Variants in DDX42 observed in about 807,000 individuals in gnomAD.
DDX42 encodes ATP-dependent RNA helicase DDX42.
In DDX42, 22 loss-of-function variants were observed where a neutral mutation model predicts 101.5. The observed-to-expected ratio is 0.22, with a 90% CI of 0.15 to 0.31. The LOEUF (loss-of-function observed/expected upper bound fraction) is 0.31, where lower values mean the gene tolerates loss of function less well. Among genes scored for constraint, DDX42 ranks in the 10% least tolerant of loss-of-function variants. DDX42 has a pLI of 1.00. For synonymous variants in DDX42, 402 were observed against 401.2 expected (o/e 1.00, Z -0.02); for missense variants, 849 against 1,199.9 (o/e 0.71, Z 4.32).
At chr17:63,812,293 C>G in intron 14 of DDX42, 85 bp downstream of exon 14, 1 of 1,490,592 alleles carries the variant, frequency 6.7e-7, no homozygotes, top group Non-Finnish European at 9.0e-7. Flanking sequence ...AATATCTGAG[C>G]AGGCTGATGG....
In DDX42 at chr17:63,813,356, C is replaced by G; in HGVS notation, c.1804C>G (p.Leu602Val). ...TGAGAAAGGTGTGGCCTATACCCTA[C>G]TCACTCCCAAGGACAGCAATTTTGC... ...AGEKGVAYTL[L>V]TPKDSNFAGD... Residue 602 changes from leucine (L) to valine (V), a missense_variant, in exon 15 of 18, where the codon CTC becomes GTC. Physicochemically the swap from Leu to Val is conservative, Grantham distance 32. Transcript: ENST00000389924. 6.2e-7 allele frequency: 1 copy of G among 1,614,146 alleles called. No homozygotes were observed.
Position 63,792,308 on chromosome 17 carries a change from A to T in DDX42, c.222-104A>T, listed in dbSNP as rs1036423738. On this transcript the variant is annotated intron_variant, in intron 2 of 17. Coordinates refer to ENST00000389924, the MANE Select transcript of DDX42 (RefSeq NM_203499.3). ...AGGTCTCTAATTTGATCTGCATTAC[A>T]TCTCCTAATAATAAGATATACCATA... 4 of 1,277,480 alleles carry T rather than the reference A, an allele frequency of 3.1e-6. No individual in the cohort carries two copies. In the Admixed American group the frequency reaches 9.1e-5, roughly 29 times the overall value. 79.1% of individuals were successfully genotyped at this position (1,277,480 alleles called of 1,614,324 possible).
intron 3 of DDX42, among the ~76,000 whole-genome samples, chr17:63,797,179 C>T (rs1198397744): frequency 1.3e-5 from 2 of 151,902 alleles, no homozygotes; most frequent in Non-Finnish European, 2.9e-5. Flanking sequence ...TGGAGAAACC[C>T]CGTCTCTACT....
intron 1 of DDX42, 36 bp from the exon 2 acceptor site, chr17:63,786,998 A>C (rs1286226605): frequency 2.5e-6 from 4 of 1,606,310 alleles, no homozygotes; most frequent in Non-Finnish European, 3.4e-6. Context: ...CACTTTTTTA[A>C]GTTTAATTTA....
At chr17:63,798,154 C>A in intron 4 of DDX42, 55 bp downstream of exon 4, 2 of 1,536,804 alleles carry the variant, frequency 1.3e-6, no homozygotes, top group Non-Finnish European at 9.0e-7. Flanking sequence ...TGAAGTATTG[C>A]AAAGTCTATT....
Position 63,778,694 on chromosome 17 carries a change from G to T in DDX42, c.-17+4318G>T, listed in dbSNP as rs138377609. Reference sequence around the variant, plus strand: ...CTCGCTCTGTTATCCAGGCTGGAGTGCAGTGGCACGATCTCGGCTCACTGC... The same window carrying T: ...CTCGCTCTGTTATCCAGGCTGGAGTTCAGTGGCACGATCTCGGCTCACTGC... On this transcript the variant is annotated intron_variant, in intron 1 of 17. Transcript: ENST00000389924. 2.0e-3 allele frequency among the ~76,000 whole-genome samples: 306 copies of T among 151,896 alleles called. 3 individuals carry two copies. Among genetic ancestry groups the T allele is most frequent in the African/African-American group, 6.9e-3 (285 of 41,388 alleles).
At chr17:63,808,689 C>A in intron 9 of DDX42, 131 bp from the exon 10 acceptor site, 4 of 893,502 alleles carry the variant, frequency 4.5e-6, no homozygotes, top group Non-Finnish European at 6.9e-6. Flanking sequence ...TGAATAAAAT[C>A]GTGGTTTTAA....
Position 63,803,426 on chromosome 17 carries a change from G to A in DDX42, c.622-1645G>A, listed in dbSNP as rs944021826. On this transcript the variant is annotated intron_variant, in intron 6 of 17. Coordinates refer to ENST00000389924, the MANE Select transcript of DDX42 (RefSeq NM_203499.3). ...CAACATGGTGAAACCCCCGTCTTTG[G>A]GATTGGTGGCAGGCATCAGTAATCC... is the stretch of plus-strand genomic sequence containing the variant. 2.8e-4 allele frequency among the ~76,000 whole-genome samples: 43 copies of A among 151,582 alleles called. 1 individual carries two copies. The highest frequency in any genetic ancestry group is 7.4e-5 in the Non-Finnish European group (5 of 67,874).
intron 1 of DDX42, among the ~76,000 whole-genome samples, chr17:63,783,450 A>G (rs538251624): frequency 6.6e-6 from 1 of 152,244 alleles, no homozygotes; most frequent in African/African-American, 2.4e-5. Context: ...AATTGAGCCC[A>G]TCCTTTTTGT....
At chr17:63,807,937 G>C (rs1409944291) in intron 9 of DDX42, 37 bp downstream of exon 9, 1 of 1,579,988 alleles carries the variant, frequency 6.3e-7, no homozygotes, top group Non-Finnish European at 8.6e-7. Context: ...TTCCATATGT[G>C]GACTAGCAAG....
chr17:63,809,379 T>C (rs1244895085), intron 10 of DDX42, among the ~76,000 whole-genome samples, 181 bp from the exon 11 acceptor site: 2 of 152,206 alleles, frequency 1.3e-5, no homozygotes, highest in African/African-American at 2.4e-5. Context: ...AAGATGCCGA[T>C]TGAGTTTTCA....
intron 15 of DDX42, among the ~76,000 whole-genome samples, chr17:63,814,135 C>T (rs898255874): frequency 1.4e-4 from 22 of 152,204 alleles, no homozygotes; most frequent in African/African-American, 4.3e-4. Context: ...CGTGAGCCAC[C>T]GTGCCCAGCC....
At chr17:63,779,851 T>C (rs1420198386) in intron 1 of DDX42, among the ~76,000 whole-genome samples, 1 of 152,156 alleles carries the variant, frequency 6.6e-6, no homozygotes, top group African/African-American at 2.4e-5. Flanking sequence ...GTACTGGGAA[T>C]ATAGGCGTAA....
At chr17:63,805,902 C>T (rs1288405080) in intron 7 of DDX42, 1 of 152,224 alleles carries the variant, frequency 6.6e-6, no homozygotes, top group Admixed American at 6.5e-5. Context: ...CCCTGAAATC[C>T]TGATTGGAAA....
intron 6 of DDX42, 113 bp from the exon 7 acceptor site, chr17:63,804,958 A>G: frequency 7.5e-7 from 1 of 1,341,976 alleles, no homozygotes; most frequent in African/African-American, 1.5e-5. Context: ...TGCTTTCTCT[A>G]GCTGGAATGG....
chr17:63,777,344 C>A (rs547458683), intron 1 of DDX42, among the ~76,000 whole-genome samples: 23 of 152,116 alleles, frequency 1.5e-4, no homozygotes, highest in Non-Finnish European at 7.3e-5. Flanking sequence ...TGAAAACATG[C>A]TATAAGAGAA....
intron 1 of DDX42, among the ~76,000 whole-genome samples, chr17:63,775,366 C>T (rs1418844607): frequency 1.3e-5 from 2 of 152,136 alleles, no homozygotes; most frequent in Admixed American, 1.3e-4. Flanking sequence ...TGTTAGACCC[C>T]TGCCTTTGGG....
At chr17:63,811,750 G>T in intron 13 of DDX42, 182 bp from the exon 14 acceptor site, 1 of 725,260 alleles carries the variant, frequency 1.4e-6, no homozygotes, top group South Asian at 1.7e-5. Context: ...ACACCAGGTG[G>T]AGAGCAAGGT....
In DDX42 at chr17:63,816,848, A is replaced by AAT. The variant is rs2039982428; in HGVS notation, c.2014-20_2014-19insAT. 1.3e-6 allele frequency: 2 copies of AAT among 1,598,296 alleles called. No individual in the cohort carries two copies. Among genetic ancestry groups the AAT allele is most frequent in the African/African-American group, 1.3e-5 (1 of 74,256 alleles). Reference sequence around the variant, plus strand: ...TTCCTGCTTATTTTTTCATTCTCATAGATGTGTTTATTTTTTTAGGATCGA... The same window carrying AAT: ...TTCCTGCTTATTTTTTCATTCTCATAATGATGTGTTTATTTTTTTAGGATCGA... On this transcript the variant is annotated intron_variant, in intron 16 of 17. Coordinates refer to ENST00000389924, the MANE Select transcript of DDX42 (RefSeq NM_203499.3).
Sources: gnomAD v4.1 joint callset for allele counts (sites outside exome capture counted in the v4.1 genomes callset) on GRCh38, gnomAD v4.1.1 for gene constraint, MANE v1.5 for transcripts, NCBI Gene and HGNC (gene_info 2026-07-23, HGNC 2026-07-21) for gene names.